The following ABR variants were observed in gnomAD, a reference collection of about 807,000 sequenced individuals.
ABR encodes ABR activator of RhoGEF and GTPase, also known as active breakpoint cluster region-related protein.
In ABR, 35 loss-of-function variants were observed where a neutral mutation model predicts 107.2. The observed-to-expected ratio is 0.33, with a 90% CI of 0.25 to 0.43. ABR has a LOEUF of 0.43. Among genes scored for constraint, ABR ranks in the 20% least tolerant of loss-of-function variants. ABR has a pLI of 1.00. For synonymous variants in ABR, 498 were observed against 462.0 expected, an observed-to-expected ratio of 1.08 and a Z score of -1.00; for missense variants, 815 against 1,115.2, an observed-to-expected ratio of 0.73 and a Z score of 3.83.
intron 14 of ABR, among the ~76,000 whole-genome samples, chr17:1,052,071 C>CA (rs59557673): frequency 0.019 from 2,510 of 132,376 alleles, 31 homozygotes; most frequent in African/African-American, 0.049. Flanking sequence ...GACTCTTTCT[C>CA]AAAAAAAAAA....
At chr17:1,162,638 T>C (rs1009494228) in intron 1 of ABR, among the ~76,000 whole-genome samples, 1 of 152,222 alleles carries the variant, frequency 6.6e-6, no homozygotes, top group African/African-American at 2.4e-5. Flanking sequence ...ATCTGCTTCC[T>C]GACGGGCCCT....
intron 9 of ABR, among the ~76,000 whole-genome samples, chr17:1,069,042 A>G (rs2034998795): frequency 6.6e-6 from 1 of 152,232 alleles, no homozygotes; most frequent in African/African-American, 2.4e-5. Context: ...ATGCTTAAGT[A>G]GACGATGGCA....
intron 18 of ABR, 132 bp from the exon 19 acceptor site, chr17:1,012,117 C>A: frequency 6.8e-7 from 1 of 1,462,950 alleles, no homozygotes. Context: ...GGGGCAGGGG[C>A]AGGGCAGAGA....
intron 2 of ABR, among the ~76,000 whole-genome samples, chr17:1,111,590 C>T (rs2038679846): frequency 6.6e-6 from 1 of 152,248 alleles, no homozygotes; most frequent in South Asian, 2.1e-4. Flanking sequence ...CCAGAGGCCT[C>T]CCTCTCCGAC....
Position 1,011,815 on chromosome 17 carries a change from C to A in ABR, c.2101+31G>T. The A allele has an allele frequency of 6.4e-7, 1 of 1,551,306 alleles. No homozygotes were observed. The highest frequency in any genetic ancestry group is 8.8e-7 in the Non-Finnish European group (1 of 1,142,072). ...CCACCAGCCTGCTCAGACACAGCCA[C>A]ACCTGCCCCGGCTGGGCCTCCCAGA... On this transcript the variant is annotated intron_variant, in intron 19 of 22. Transcript: ENST00000302538. This position sits in a 1 kb window ranked among gnomAD's most constrained non-coding sequence, Gnocchi z 4.8.
Position 1,058,817 on chromosome 17 carries a change from C to T in ABR, c.1233G>A (p.Met411Ile), listed in dbSNP as rs1288296894. The T allele has an allele frequency of 6.2e-7, 1 of 1,614,128 alleles. No homozygotes were observed. Among genetic ancestry groups the T allele is most frequent in the East Asian group, 2.2e-5 (1 of 44,874 alleles). Residue 411 changes from methionine (M) to isoleucine (I), a missense_variant, in exon 11 of 23, where the codon ATG (methionine) becomes ATA (isoleucine). Physicochemically the swap from Met to Ile is conservative, Grantham distance 10. Transcript: ENST00000302538. Reference sequence around the variant, plus strand: ...GCAGCAGCAGGAACTCATTCTCAAACATCTTCTTCTTCAGGCGCTCGATGG... The same window carrying T: ...GCAGCAGCAGGAACTCATTCTCAAATATCTTCTTCTTCAGGCGCTCGATGG... ...SRAIERLKKK[M>I]FENEFLLLLN... is the part of the protein sequence containing the mutation.
At chr17:1,012,104 G>A in intron 18 of ABR, 119 bp from the exon 19 acceptor site, 1 of 1,521,102 alleles carries the variant, frequency 6.6e-7, no homozygotes. Flanking sequence ...GAGAGCTGGG[G>A]CGGGGGCAGG....
At chr17:1,121,231 G>A (rs1041346747) in intron 2 of ABR, among the ~76,000 whole-genome samples, 8 of 152,254 alleles carry the variant, frequency 5.3e-5, no homozygotes, top group African/African-American at 1.9e-4. Context: ...AGGGCGTGCT[G>A]GGGAGAGAGG....
At chr17:1,057,386 G>GTT (rs1181452759) in intron 12 of ABR, among the ~76,000 whole-genome samples, 1 of 138,326 alleles carries the variant, frequency 7.2e-6, no homozygotes. Context: ...TTTTGTTTTC[G>GTT]TTTTTTTTTT....
At position 1,179,644 on chromosome 17, in the gene ABR, C is replaced by T. The variant is rs1414570319; in HGVS notation, c.61+23G>A. The stretch of plus-strand genomic sequence containing the variant: ...GGGTCCCGATCCCGATCCTGGGGTC[C>T]CGCCCCCGCCCGGCACACGTACTGC... On this transcript the variant is annotated intron_variant, in intron 1 of 22. Transcript: ENST00000302538. The surrounding 1 kb of genome is among the most constrained non-coding windows in gnomAD (Gnocchi z 4.9). 6.6e-7 allele frequency: 1 copy of T among 1,512,726 alleles called. No homozygotes were observed. Among genetic ancestry groups the T allele is most frequent in the African/African-American group, 1.4e-5 (1 of 69,528 alleles). 93.7% of individuals were successfully genotyped at this position (1,512,726 alleles called of 1,614,324 possible). A position where few individuals can be genotyped will look rare whatever the true frequency, so the allele number is the denominator to read the frequency against.
chr17:1,162,489 G>A lies in ABR; in HGVS notation c.61+17178C>T, dbSNP rs1280613843. Among the ~76,000 whole-genome samples the A allele has an allele frequency of 1.3e-5, 2 of 152,194 alleles. 1 individual carries two copies. The highest frequency in any genetic ancestry group is 2.9e-5 in the Non-Finnish European group (2 of 68,038). ...TGGTACCCCCAGCTCCCCACTGTGG[G>A]CCACCCGGGCTGTGCACGCTCCTGC... On this transcript the variant is annotated intron_variant, in intron 1 of 22. Transcript: ENST00000302538.
chr17:1,061,904 G>A (rs907529737), intron 10 of ABR, among the ~76,000 whole-genome samples: 8 of 152,166 alleles, frequency 5.3e-5, no homozygotes, highest in Admixed American at 4.6e-4. Flanking sequence ...AGAAAATAGC[G>A]CTGTCCCTGG....
chr17:1,056,027 GCAC>G lies in ABR; in HGVS notation c.1561+5_1561+7del. On this transcript the variant is annotated splice_donor_5th_base_variant and intron_variant, in intron 14 of 22. Transcript: ENST00000302538. ...CCCACCCAACCTCGTCCTGGCCAGG[GCAC>G]TTACTGGCTGATTGCTTAAATCCCT... The G allele has an allele frequency of 6.2e-7, 1 of 1,613,460 alleles. No individual in the cohort carries two copies. The highest frequency in any genetic ancestry group is 8.5e-7 in the Non-Finnish European group (1 of 1,179,362).
chr17:1,203,428 C>CAG lies in ABR; in HGVS notation c.838+25364_838+25365insCT, dbSNP rs2042718423. 2.1e-4 allele frequency among the ~76,000 whole-genome samples: 12 copies of CAG among 57,086 alleles called. 1 individual carries two copies. In the East Asian group the frequency reaches 6.7e-3, roughly 32 times the overall value. 37.5% of individuals were successfully genotyped at this position (57,086 alleles called of 152,430 possible). A position where few individuals can be genotyped will look rare whatever the true frequency, so the allele number is the denominator to read the frequency against. ...GGGGCGGAGTCTGCGGGGGCGGGGC[C>CAG]CGCGGGGACGGAGTCTGCGGGGGCG... is the stretch of plus-strand genomic sequence containing the variant. On this transcript the variant is annotated intron_variant, in intron 1 of 22. Coordinates refer to the ABR transcript ENST00000574139.
rs753959613 is a variant in ABR, at chr17:1,070,010, T to G, written c.975A>C (p.Thr325=). ...TCAGCTTGGCACACAGTAGGACATC[T>G]GTAAAGAGGAAGACGTGCCGCAGCT... ...SRKLRHVFLF[T]DVLLCAKLKK... Residue 325 remains threonine (T), a synonymous_variant, in exon 9 of 23, where the codon ACA becomes ACC. Coordinates refer to ENST00000302538, the MANE Select transcript of ABR (RefSeq NM_021962.5). The surrounding 1 kb of genome is among the most constrained non-coding windows in gnomAD (Gnocchi z 4.2). 1 of 1,609,698 alleles carries G rather than the reference T, an allele frequency of 6.2e-7. No individual in the cohort carries two copies. Among genetic ancestry groups the G allele is most frequent in the South Asian group, 1.1e-5 (1 of 90,960 alleles).
At chr17:1,025,743 T>G (rs1399793985) in intron 16 of ABR, among the ~76,000 whole-genome samples, 1 of 152,158 alleles carries the variant, frequency 6.6e-6, no homozygotes, top group East Asian at 1.9e-4. Context: ...GTTACCCAGT[T>G]GTGTTTATTT....
chr17:1,159,855 G>A (rs1050214730), intron 1 of ABR, among the ~76,000 whole-genome samples: 1 of 152,246 alleles, frequency 6.6e-6, no homozygotes, highest in Admixed American at 6.5e-5. Context: ...GTGGGTCCAC[G>A]ATGCTGAGGA....
intron 1 of ABR, among the ~76,000 whole-genome samples, chr17:1,172,159 G>T (rs1448848770): frequency 2.6e-5 from 4 of 152,210 alleles, no homozygotes; most frequent in Admixed American, 2.6e-4. Flanking sequence ...CCCCAGTCAG[G>T]TCTCGACCCG....
At chr17:1,116,845 A>G (rs2039011383) in intron 2 of ABR, among the ~76,000 whole-genome samples, 1 of 152,174 alleles carries the variant, frequency 6.6e-6, no homozygotes. Flanking sequence ...TCTTTGCAGC[A>G]GGGACCCAAG....
Sources: allele counts gnomAD v4.1 joint callset (sites outside exome capture counted in the v4.1 genomes callset), GRCh38; gene constraint gnomAD v4.1.1; non-coding constraint Gnocchi (gnomAD v3.1); transcripts MANE v1.5; gene names NCBI Gene and HGNC (gene_info 2026-07-23, HGNC 2026-07-21).